The following NELL2 variants were observed in gnomAD, a reference collection of about 807,000 sequenced individuals.
NELL2 encodes the protein neural EGFL like 2, also known as protein kinase C-binding protein NELL2.
A neutral mutation model predicts 109.6 loss-of-function variants in NELL2; 41 were observed. The ratio of observed to expected loss-of-function variants is 0.37; its 90% CI spans 0.29 to 0.49. The LOEUF (loss-of-function observed/expected upper bound fraction) is 0.49, where lower values mean the gene tolerates loss of function less well. NELL2 is among the 20% of genes least tolerant of loss of function. The probability of loss-of-function intolerance (pLI) is 0.98; values close to 1 mark genes in which losing one functional copy is unlikely to be tolerated. For synonymous variants in NELL2, 355 were observed against 344.7 expected, an observed-to-expected ratio of 1.03 and a Z score of -0.33; for missense variants, 900 against 1,008.3, an observed-to-expected ratio of 0.89 and a Z score of 1.45.
At chr12:44,572,269 G>A (rs374333460) in intron 15 of NELL2, among the ~76,000 whole-genome samples, 5 of 152,132 alleles carry the variant, frequency 3.3e-5, no homozygotes, top group South Asian at 2.1e-4. Flanking sequence ...AGTCTTTTGG[G>A]TAGCTGGGAC....
chr12:44,870,629 T>C (rs1945134871), intron 2 of NELL2, among the ~76,000 whole-genome samples: 1 of 152,192 alleles, frequency 6.6e-6, no homozygotes, highest in South Asian at 2.1e-4. Context: ...TTTCAGCATC[T>C]AAAAACTGCC....
At chr12:44,551,449 TAAAGA>T (rs1341403398) in intron 15 of NELL2, among the ~76,000 whole-genome samples, 1 of 152,130 alleles carries the variant, frequency 6.6e-6, no homozygotes, top group Non-Finnish European at 1.5e-5. Flanking sequence ...GATACATGAG[TAAAGA>T]AAGTTCATTA....
rs570593334 is a variant in NELL2, at chr12:44,512,778, A to G, written c.2401-3794T>C. 6.6e-5 allele frequency among the ~76,000 whole-genome samples: 10 copies of G among 152,188 alleles called. No individual in the cohort carries two copies. The East Asian group carries it at 1.9e-3, about 29-fold the overall frequency. On this transcript the variant is annotated intron_variant, in intron 19 of 19. Coordinates refer to ENST00000429094, the MANE Select transcript of NELL2 (RefSeq NM_001145108.2). ...TGGAGCTAAAAAATTCATCTTATAG[A>G]AGAAGAATTATGGTGATCAGAAGCT...
intron 12 of NELL2, among the ~76,000 whole-genome samples, chr12:44,698,166 T>A (rs768094717): frequency 1.1e-4 from 16 of 152,200 alleles, no homozygotes; most frequent in Non-Finnish European, 1.9e-4. Context: ...TTTTATCTCA[T>A]CTTAACACAT....
At chr12:44,766,369 T>C (rs1335422528) in intron 9 of NELL2, among the ~76,000 whole-genome samples, 1 of 152,208 alleles carries the variant, frequency 6.6e-6, no homozygotes, top group Non-Finnish European at 1.5e-5. Context: ...TATTCTCCAG[T>C]GGGCACTATG....
At chr12:44,672,719 C>A (rs1948181026) in intron 12 of NELL2, among the ~76,000 whole-genome samples, 1 of 152,146 alleles carries the variant, frequency 6.6e-6, no homozygotes. Flanking sequence ...GTTAATGTGA[C>A]CCTATTTACA....
chr12:44,700,541 A>C (rs1000288669), intron 12 of NELL2, among the ~76,000 whole-genome samples: 3 of 152,100 alleles, frequency 2.0e-5, no homozygotes, highest in Non-Finnish European at 4.4e-5. Context: ...GAAGGCCCTT[A>C]GATATGCTGA....
intron 12 of NELL2, among the ~76,000 whole-genome samples, chr12:44,694,978 T>C (rs1476045815): frequency 6.7e-6 from 1 of 148,560 alleles, no homozygotes; most frequent in African/African-American, 2.5e-5. Flanking sequence ...AGTTGTGAGA[T>C]GGTAAGCAGC....
intron 1 of NELL2, among the ~76,000 whole-genome samples, chr12:44,888,952 T>A (rs1945504941): frequency 6.6e-6 from 1 of 152,062 alleles, no homozygotes; most frequent in African/African-American, 2.4e-5. Context: ...GTCGAGTCCC[T>A]GTCCCTGCTT....
At chr12:44,755,856 A>C (rs1230154425) in intron 9 of NELL2, among the ~76,000 whole-genome samples, 1 of 152,190 alleles carries the variant, frequency 6.6e-6, no homozygotes, top group Non-Finnish European at 1.5e-5. Context: ...CAAAATCCTA[A>C]CGATGGATGA....
Position 44,574,952 on chromosome 12 carries a change from C to A in NELL2, c.1663+32217G>T, listed in dbSNP as rs192061575. Among the ~76,000 whole-genome samples the A allele has an allele frequency of 1.1e-3, 161 of 152,306 alleles. 1 individual carries two copies. Among genetic ancestry groups the A allele is most frequent in the African/African-American group, 3.6e-3 (149 of 41,570 alleles). On this transcript the variant is annotated intron_variant, in intron 15 of 19. Transcript: ENST00000429094. The stretch of plus-strand genomic sequence containing the variant: ...AAAACTATTTTTTATAGGATTCATA[C>A]TATTCTCTAGTATTAATTTAGTATA...
chr12:44,794,821 T>C (rs1333156070), intron 3 of NELL2, among the ~76,000 whole-genome samples: 1 of 152,210 alleles, frequency 6.6e-6, no homozygotes, highest in Non-Finnish European at 1.5e-5. Flanking sequence ...CCTTCTGTCA[T>C]TAATGAGCAT....
intron 2 of NELL2, among the ~76,000 whole-genome samples, chr12:44,816,350 G>T (rs1450550): frequency 0.99 from 150,454 of 152,322 alleles, 74,344 homozygotes; most frequent in East Asian, 1. Flanking sequence ...ACTGAACTTA[G>T]GTTTCAGGAA....
intron 2 of NELL2, among the ~76,000 whole-genome samples, chr12:44,855,219 C>A (rs1385570231): frequency 6.6e-6 from 1 of 152,114 alleles, no homozygotes; most frequent in Non-Finnish European, 1.5e-5. Context: ...CAGTTTGAGA[C>A]AATGGTTCAC....
chr12:44,514,458 G>C (rs574872823), intron 19 of NELL2, among the ~76,000 whole-genome samples: 7 of 151,750 alleles, frequency 4.6e-5, no homozygotes, highest in Non-Finnish European at 8.9e-5. Context: ...TTTTGACAGA[G>C]AGAGATAGAG....
At chr12:44,587,284 A>AAAAAAAAAAAAAATATATAT in intron 15 of NELL2, among the ~76,000 whole-genome samples, 13 of 72,194 alleles carry the variant, frequency 1.8e-4, no homozygotes, top group Non-Finnish European at 2.4e-4. Flanking sequence ...AAAAAAAAAA[A>AAAAAAAAAAAAAATATATAT]ATATATATAT....
chr12:44,892,566 G>A (rs554782245), intron 1 of NELL2, among the ~76,000 whole-genome samples: 1 of 152,080 alleles, frequency 6.6e-6, no homozygotes, highest in African/African-American at 2.4e-5. Flanking sequence ...GGGAGGCCGA[G>A]GCAGGCAGAT....
At chr12:44,626,071 T>TA (rs890058636) in intron 13 of NELL2, among the ~76,000 whole-genome samples, 1 of 152,104 alleles carries the variant, frequency 6.6e-6, no homozygotes, top group Non-Finnish European at 1.5e-5. Flanking sequence ...GCGCATGATT[T>TA]AAAAAAATGA....
At position 44,875,351 on chromosome 12, in the gene NELL2, A is replaced by C. The variant is rs763920691; in HGVS notation, c.58T>G (p.Trp20Gly). The C allele has an allele frequency of 8.1e-6, 13 of 1,614,004 alleles. No homozygotes were observed. The highest frequency in any genetic ancestry group is 1.1e-5 in the Non-Finnish European group (13 of 1,180,046). Residue 20 changes from tryptophan to glycine, a missense_variant and splice_region_variant, in exon 2 of 20, where the codon TGG (tryptophan) becomes GGG (glycine). Physicochemically the swap from Trp to Gly is radical, Grantham distance 184 (BLOSUM62 -2). Around this residue, in one of 4 missense-constraint regions of NELL2, gnomAD observed 200 missense variants for 191.8 expected, o/e 1.04. Coordinates refer to ENST00000429094, the MANE Select transcript of NELL2 (RefSeq NM_001145108.2). Reference sequence around the variant, plus strand: ...AGGGAAGGGTCCACACCAAGCCCCCAAACTGGTGAGGGGTATGAGGTGGGA... The same window carrying C: ...AGGGAAGGGTCCACACCAAGCCCCCCAACTGGTGAGGGGTATGAGGTGGGA... ...FCLIFGLGAV[W>G]GLGVDPSLQI...
Sources: allele counts gnomAD v4.1 joint callset (sites outside exome capture counted in the v4.1 genomes callset), GRCh38; gene constraint gnomAD v4.1.1; regional missense constraint gnomAD v4.1.1; transcripts MANE v1.5; gene names NCBI Gene and HGNC (gene_info 2026-07-23, HGNC 2026-07-21).